TRAPPC9: variants seen among roughly 807,000 people sequenced by gnomAD.
TRAPPC9 encodes IKK2 binding protein.
Under a neutral mutation model 124.0 loss-of-function variants are expected in TRAPPC9, and 83 were observed. That is an observed-to-expected ratio of 0.67 (90% CI 0.56 to 0.80). The LOEUF is 0.80. Ranked by LOEUF, TRAPPC9 falls within the 30% of genes least tolerant of loss-of-function variation. TRAPPC9 has a pLI of 0.00. For synonymous variants in TRAPPC9, 638 were observed against 617.5 expected, an observed-to-expected ratio of 1.03 and a Z score of -0.49; for missense variants, 1,302 against 1,508.3, an observed-to-expected ratio of 0.86 and a Z score of 2.27.
At chr8:140,371,678 T>C (rs1448252153) in intron 7 of TRAPPC9, among the ~76,000 whole-genome samples, 2 of 152,156 alleles carry the variant, frequency 1.3e-5, no homozygotes, top group African/African-American at 4.8e-5. Context: ...CCAACAACCC[T>C]GTAGTGTAGC....
chr8:140,110,942 C>G (rs1332332345), intron 17 of TRAPPC9, among the ~76,000 whole-genome samples: 1 of 83,094 alleles, frequency 1.2e-5, no homozygotes, highest in Non-Finnish European at 2.4e-5. Flanking sequence ...CCAAAGCTCC[C>G]CCTGCAGTAG....
chr8:140,449,870 C>G (rs7820161), intron 2 of TRAPPC9, among the ~76,000 whole-genome samples: 84,803 of 152,140 alleles, frequency 0.56, 23,811 homozygotes, highest in Non-Finnish European at 0.57. Context: ...CTGAATAAAA[C>G]TGTTCAAACT....
intron 21 of TRAPPC9, among the ~76,000 whole-genome samples, chr8:139,857,481 A>T (rs1320701483): frequency 1.3e-5 from 2 of 152,150 alleles, no homozygotes; most frequent in African/African-American, 4.8e-5. Flanking sequence ...CACAATAAAC[A>T]CATGGGGCAA....
At chr8:140,234,971 T>A (rs1372386631) in intron 16 of TRAPPC9, among the ~76,000 whole-genome samples, 1 of 152,176 alleles carries the variant, frequency 6.6e-6, no homozygotes, top group African/African-American at 2.4e-5. Context: ...TAAGAAAATT[T>A]ACAATTTTTT....
At chr8:140,249,274 T>C (rs1294308205) in intron 16 of TRAPPC9, among the ~76,000 whole-genome samples, 2 of 152,202 alleles carry the variant, frequency 1.3e-5, no homozygotes, top group Non-Finnish European at 2.9e-5. Flanking sequence ...TGTGAGAATA[T>C]GCTGTATTTG....
At position 140,042,205 on chromosome 8, in the gene TRAPPC9, ATGTGTGTGTG is replaced by A. The variant is rs57584807; in HGVS notation, c.2557-18136_2557-18127del. On this transcript the variant is annotated intron_variant, in intron 17 of 22. Coordinates refer to ENST00000438773, the MANE Select transcript of TRAPPC9 (RefSeq NM_001160372.4). Reference sequence around the variant, plus strand: ...TCTGCAACTTAGCCCAAAAAAGTGTATGTGTGTGTGTGTGTGTGTGTGTGTGTGTACAAAC... The same window carrying A: ...TCTGCAACTTAGCCCAAAAAAGTGTATGTGTGTGTGTGTGTGTGTACAAAC... Among the ~76,000 whole-genome samples the A allele has an allele frequency of 3.6e-3, 546 of 149,606 alleles. 5 individuals carry two copies. The highest frequency in any genetic ancestry group is 0.013 in the African/African-American group (510 of 40,548).
At chr8:139,996,815 T>A (rs199862993) in intron 18 of TRAPPC9, among the ~76,000 whole-genome samples, 9 of 152,208 alleles carry the variant, frequency 5.9e-5, no homozygotes, top group African/African-American at 1.7e-4. Context: ...TCTCGGCTCA[T>A]TGCAACCTCT....
At chr8:140,330,714 T>C (rs2066872492) in intron 9 of TRAPPC9, among the ~76,000 whole-genome samples, 1 of 152,222 alleles carries the variant, frequency 6.6e-6, no homozygotes, top group Non-Finnish European at 1.5e-5. Context: ...GAAGAAATTA[T>C]ATTAAGAAGA....
At chr8:140,264,589 A>G (rs2064552875) in intron 15 of TRAPPC9, among the ~76,000 whole-genome samples, 1 of 116,678 alleles carries the variant, frequency 8.6e-6, no homozygotes, top group Non-Finnish European at 1.7e-5. Context: ...AAGAAGAGAG[A>G]GAGAGGAGGG....
rs559029211 is a variant in TRAPPC9 at position 140,315,391 on chromosome 8, T to C, written c.1496-4017A>G. Among the ~76,000 whole-genome samples, 150 of 152,198 alleles carry C rather than the reference T, an allele frequency of 9.9e-4. 1 individual carries two copies. Among genetic ancestry groups the C allele is most frequent in the African/African-American group, 3.3e-3 (139 of 41,560 alleles). On this transcript the variant is annotated intron_variant, in intron 9 of 22. Transcript: ENST00000438773. ...CTGTGTCAGATTAACAAGGTCTTCTTGAAGCATTAACCAACTCCTTAGTAA... is the reference window on the plus strand; with the variant it reads ...CTGTGTCAGATTAACAAGGTCTTCTCGAAGCATTAACCAACTCCTTAGTAA...
intron 9 of TRAPPC9, among the ~76,000 whole-genome samples, chr8:140,352,575 G>A (rs747067390): frequency 5.9e-5 from 9 of 152,018 alleles, no homozygotes; most frequent in South Asian, 2.1e-4. Flanking sequence ...CATTAAACGC[G>A]GGGGAAACAG....
chr8:140,194,737 T>G (rs2062595589), intron 17 of TRAPPC9, among the ~76,000 whole-genome samples: 1 of 152,158 alleles, frequency 6.6e-6, no homozygotes, highest in Admixed American at 6.5e-5. Context: ...CTATGAGCAT[T>G]TGTATGCCTA....
rs1412176016 is a variant in TRAPPC9, at chr8:139,804,496, ACAC to A, written c.3056-72297_3056-72295del. ...CCACCACCAAACACCACCACCACAC[ACAC>A]AACCACTACCACCCACCACCGCCAC... On this transcript the variant is annotated intron_variant, in intron 21 of 22. Coordinates refer to ENST00000438773, the MANE Select transcript of TRAPPC9 (RefSeq NM_001160372.4). Among the ~76,000 whole-genome samples, 71 of 117,718 alleles carry A rather than the reference ACAC, an allele frequency of 6.0e-4. 1 individual carries two copies. The highest frequency in any genetic ancestry group is 5.5e-3 in the Middle Eastern group (1 of 182). The allele number at this position is 117,718 out of a possible 152,430, so 77.2% of individuals were successfully genotyped here. A position where few individuals can be genotyped will look rare whatever the true frequency, so the allele number is the denominator to read the frequency against.
At chr8:140,405,539 A>G in intron 6 of TRAPPC9, 38 bp downstream of exon 6, 1 of 1,612,376 alleles carries the variant, frequency 6.2e-7, no homozygotes, top group Admixed American at 1.7e-5. Context: ...ATTAAACAAC[A>G]CAACTGTGTA....
intron 19 of TRAPPC9, among the ~76,000 whole-genome samples, chr8:139,964,877 T>C (rs995234176): frequency 7.9e-5 from 12 of 152,160 alleles, no homozygotes; most frequent in Non-Finnish European, 1.5e-5. Flanking sequence ...TTGAGAAGCT[T>C]ACGTGAAAGC....
At chr8:139,810,027 G>C (rs904025975) in intron 21 of TRAPPC9, among the ~76,000 whole-genome samples, 2 of 152,198 alleles carry the variant, frequency 1.3e-5, no homozygotes, top group East Asian at 1.9e-4. Context: ...ACATACAGGT[G>C]GGGGGAGATT....
intron 5 of TRAPPC9, among the ~76,000 whole-genome samples, chr8:140,419,317 T>C (rs902007479): frequency 4.7e-5 from 7 of 149,332 alleles, no homozygotes; most frequent in Admixed American, 1.4e-4. Context: ...TAGTCCCAGC[T>C]ACTCGGGAGG....
At position 139,996,213 on chromosome 8, in the gene TRAPPC9, C is replaced by G. The variant is rs565851627; in HGVS notation, c.2700-7377G>C. 3.2e-3 allele frequency among the ~76,000 whole-genome samples: 400 copies of G among 126,762 alleles called. 1 individual carries two copies. The highest frequency in any genetic ancestry group is 0.012 in the African/African-American group (384 of 33,088). 83.2% of individuals were successfully genotyped at this position (126,762 alleles called of 152,430 possible). A position where few individuals can be genotyped will look rare whatever the true frequency, so the allele number is the denominator to read the frequency against. On this transcript the variant is annotated intron_variant, in intron 18 of 22. Transcript: ENST00000438773. ...GAAAGAAAAAAAGAAAAATTCACCA[C>G]ATGGTGAATTATCTTAGTAACTGAG...
chr8:140,168,019 T>A (rs1411377933), intron 17 of TRAPPC9, among the ~76,000 whole-genome samples: 5 of 152,216 alleles, frequency 3.3e-5, no homozygotes, highest in Non-Finnish European at 7.3e-5. Context: ...TATGGCTGTA[T>A]GTCAGATACA....
Sources: allele counts gnomAD v4.1 joint callset (sites outside exome capture counted in the v4.1 genomes callset), GRCh38; gene constraint gnomAD v4.1.1; transcripts MANE v1.5; gene names NCBI Gene and HGNC (gene_info 2026-07-23, HGNC 2026-07-21).